Variants in PNPT1 observed in about 807,000 individuals in gnomAD.
The protein encoded by PNPT1 is polyribonucleotide nucleotidyltransferase 1, mitochondrial.
PNPT1 carries 53 observed loss-of-function variants against 119.5 expected under a neutral mutation model. The observed-to-expected ratio is 0.44, with a 90% CI of 0.36 to 0.56. The LOEUF is 0.56. Ranked by LOEUF, PNPT1 falls within the 20% of genes least tolerant of loss-of-function variation. PNPT1 has a pLI of 0.00. For missense variants in PNPT1, 948 were observed against 938.5 expected (o/e 1.01, Z -0.13); for synonymous variants, 357 against 322.1 (o/e 1.11, Z -1.16).
In PNPT1 at chr2:55,656,789, T is replaced by C. The variant is rs529386295; in HGVS notation, c.1285-418A>G. ...GAAATTTAATTTACACTGATACTTT[T>C]TAGAGTTATCTCTCTCCACTAACTT... On this transcript the variant is annotated intron_variant, in intron 15 of 27. Coordinates refer to ENST00000447944, the MANE Select transcript of PNPT1 (RefSeq NM_033109.5). Among the ~76,000 whole-genome samples the C allele has an allele frequency of 2.6e-5, 4 of 152,364 alleles. No individual in the cohort carries two copies. The South Asian group carries it at 8.3e-4, about 32-fold the overall frequency.
At chr2:55,642,329 G>A (rs190002827) in intron 25 of PNPT1, among the ~76,000 whole-genome samples, 27 of 152,102 alleles carry the variant, frequency 1.8e-4, no homozygotes, top group East Asian at 7.7e-4. Flanking sequence ...TCAGTTGGCC[G>A]GGCGCGGTGG....
At chr2:55,655,589 T>C (rs1696360718) in intron 17 of PNPT1, among the ~76,000 whole-genome samples, 1 of 152,236 alleles carries the variant, frequency 6.6e-6, no homozygotes, top group South Asian at 2.1e-4. Context: ...ACAAAGTCTT[T>C]AGTTAAAATT....
intron 25 of PNPT1, among the ~76,000 whole-genome samples, chr2:55,642,028 C>G (rs1395376672): frequency 1.3e-5 from 2 of 151,760 alleles, no homozygotes; most frequent in Non-Finnish European, 2.9e-5. Context: ...TTTTAGTAGA[C>G]ATGGGGTTTC....
At chr2:55,661,316 C>A (rs1357740093) in intron 14 of PNPT1, among the ~76,000 whole-genome samples, 1 of 151,970 alleles carries the variant, frequency 6.6e-6, no homozygotes, top group Non-Finnish European at 1.5e-5. Context: ...TAGTCTTGGT[C>A]TCCTGACTTC....
At position 55,685,061 on chromosome 2, in the gene PNPT1, TA is replaced by T; in HGVS notation, c.298-14del. The T allele has an allele frequency of 3.0e-5, 46 of 1,554,830 alleles. No homozygotes were observed. Among genetic ancestry groups the T allele is most frequent in the South Asian group, 1.1e-4 (9 of 84,302 alleles). ...GTCTGTAGTCAACCTGAAGCAGCAA[TA>T]AAAAAAAGTTCATATAATTCTTTTT... On this transcript the variant is annotated splice_polypyrimidine_tract_variant and intron_variant, in intron 3 of 27. Coordinates refer to ENST00000447944, the MANE Select transcript of PNPT1 (RefSeq NM_033109.5).
At position 55,693,791 on chromosome 2, in the gene PNPT1, G is replaced by T. The variant is rs898086670; in HGVS notation, c.33C>A (p.Leu11=). The T allele has an allele frequency of 6.2e-7, 1 of 1,613,998 alleles. No homozygotes were observed. The highest frequency in any genetic ancestry group is 1.3e-5 in the African/African-American group (1 of 75,064). The change falls in exon 1 of 28, where the codon CTC becomes CTA. Residue 11 remains leucine (L), a synonymous_variant. Coordinates refer to ENST00000447944, the MANE Select transcript of PNPT1 (RefSeq NM_033109.5). ...GACCATCGCTCAGGGGCCGGAGCCG[G>T]AGGCACGAGCAGCAGTACCTGCAGG... MAACRYCCSC[L]RLRPLSDGPF...
intron 17 of PNPT1, 72 bp from the exon 18 acceptor site, chr2:55,655,025 T>C (rs1348294352): frequency 1.5e-6 from 2 of 1,339,020 alleles, no homozygotes. Flanking sequence ...CTATTGGTTA[T>C]TTCCTTATAA....
intron 8 of PNPT1, 79 bp downstream of exon 8, chr2:55,679,603 C>T: frequency 9.6e-7 from 1 of 1,040,026 alleles, no homozygotes; most frequent in Non-Finnish European, 1.5e-6. Context: ...AAAACATACA[C>T]ACAGAGTTTA....
At position 55,640,631 on chromosome 2, in the gene PNPT1, C is replaced by T. The variant is rs765249456; in HGVS notation, c.2144G>A (p.Arg715Gln). 11 of 1,579,012 alleles carry T rather than the reference C, an allele frequency of 7.0e-6. No homozygotes were observed. The highest frequency in any genetic ancestry group is 6.8e-5 in the African/African-American group (5 of 74,032). Residue 715 changes from arginine (R) to glutamine (Q), a missense_variant, in exon 26 of 28, where the codon CGA (arginine) becomes CAA (glutamine). By Grantham distance (43) the Arg-to-Gln change is conservative. Transcript: ENST00000447944. ...CAATAACATCTGTCTTTTTACCTTTCGTTGATCAAGTTGTGTGTTATGAAG... is the reference window on the plus strand; with the variant it reads ...CAATAACATCTGTCTTTTTACCTTTTGTTGATCAAGTTGTGTGTTATGAAG... Reference protein sequence around the residue: ...VLLHNTQLDQRKIKHPTALGL... With the variant: ...VLLHNTQLDQQKIKHPTALGL...
rs993492841 is a variant in PNPT1, at chr2:55,645,350, T to G, written c.1821A>C (p.Val607=). 2.5e-6 allele frequency: 4 copies of G among 1,602,004 alleles called. No individual in the cohort carries two copies. The highest frequency in any genetic ancestry group is 3.4e-6 in the Non-Finnish European group (4 of 1,169,508). ...ATCACTAAAATTTTAATGTATTACC[T>G]ACAACAGGTCCATTTTCTTTTCTAG... ...RASRKENGPV[V]ETVQVPLSKR... is the part of the protein sequence containing the mutation. Residue 607 remains valine (V), a splice_region_variant and synonymous_variant, in exon 22 of 28, where the codon GTA becomes GTC. Coordinates refer to ENST00000447944, the MANE Select transcript of PNPT1 (RefSeq NM_033109.5).
chr2:55,656,659 G>A lies in PNPT1; in HGVS notation c.1285-288C>T, dbSNP rs545610209. On this transcript the variant is annotated intron_variant, in intron 15 of 27. Coordinates refer to ENST00000447944, the MANE Select transcript of PNPT1 (RefSeq NM_033109.5). ...TTACATTTAAATTATTAACAATAAC[G>A]TTATATTTTTGTAATAAGTAAAAAT... Among the ~76,000 whole-genome samples the A allele has an allele frequency of 9.2e-5, 14 of 152,098 alleles. No individual in the cohort carries two copies. In the South Asian group the frequency reaches 1.2e-3, roughly 14 times the overall value.
In PNPT1 at chr2:55,636,141, A is replaced by G; in HGVS notation, c.*96T>C. 1.2e-6 allele frequency: 1 copy of G among 812,520 alleles called. No homozygotes were observed. Among genetic ancestry groups the G allele is most frequent in the Non-Finnish European group, 1.8e-6 (1 of 569,608 alleles). The allele number at this position is 812,520 out of a possible 1,614,324, so 50.3% of individuals were successfully genotyped here. On this transcript the variant is annotated 3_prime_UTR_variant, in exon 28 of 28. Transcript: ENST00000447944. ...TAATTAAAATGTATTTATATTATAT[A>G]GAAATCTACACAATGGAAGATACTA...
intron 13 of PNPT1, among the ~76,000 whole-genome samples, chr2:55,666,635 T>A (rs1367938816): frequency 6.6e-6 from 1 of 151,490 alleles, no homozygotes; most frequent in African/African-American, 2.4e-5. Context: ...AGGCCAAGAG[T>A]TTGAGACCAG....
intron 18 of PNPT1, among the ~76,000 whole-genome samples, chr2:55,648,232 A>T (rs1475352945): frequency 1.3e-5 from 2 of 152,184 alleles, no homozygotes; most frequent in African/African-American, 4.8e-5. Context: ...GTATGCATTT[A>T]CTGTTCTGCA....
intron 1 of PNPT1, among the ~76,000 whole-genome samples, chr2:55,691,520 A>G (rs1041990799): frequency 2.0e-5 from 3 of 152,216 alleles, no homozygotes; most frequent in Admixed American, 1.3e-4. Context: ...ACACGAGTTT[A>G]AAAAGAACTA....
chr2:55,645,837 T>TC (rs1491377252), intron 21 of PNPT1, among the ~76,000 whole-genome samples: 3 of 48,628 alleles, frequency 6.2e-5, no homozygotes, highest in Non-Finnish European at 2.0e-4. Flanking sequence ...ACTTAGTACT[T>TC]CTTTTTTTTT....
intron 8 of PNPT1, among the ~76,000 whole-genome samples, chr2:55,673,400 T>A (rs539898500): frequency 6.6e-6 from 1 of 150,826 alleles, no homozygotes; most frequent in African/African-American, 2.4e-5. Context: ...ATAAGTCACA[T>A]AAAATAAAAA....
In PNPT1 at chr2:55,688,525, G is replaced by A. The variant is rs556502418; in HGVS notation, c.162-820C>T. 6.6e-5 allele frequency among the ~76,000 whole-genome samples: 10 copies of A among 151,764 alleles called. No individual in the cohort carries two copies. The South Asian group carries it at 2.1e-3, about 32-fold the overall frequency. On this transcript the variant is annotated intron_variant, in intron 1 of 27. Transcript: ENST00000447944. ...TGATCACCCGAGGTCAGGAGTTCAA[G>A]ACCAGCCTGGCCAACATGGTGAAAT... is the stretch of plus-strand genomic sequence containing the variant.
chr2:55,672,006 C>G lies in PNPT1; in HGVS notation c.907G>C (p.Glu303Gln). The stretch of plus-strand genomic sequence containing the variant: ...TCAGGTATACCTACTTTGTCATGCT[C>G]GTAATCTGTAAAAACTGCATAGAGT... ...ERLYAVFTDY[E>Q]HDKVSRDEAV... Residue 303 changes from glutamate (E) to glutamine (Q), a missense_variant, in exon 10 of 28, where the codon GAG becomes CAG. Physicochemically the swap from Glu to Gln is conservative, Grantham distance 29. Transcript: ENST00000447944. The G allele has an allele frequency of 6.2e-7, 1 of 1,600,838 alleles. No individual in the cohort carries two copies. The highest frequency in any genetic ancestry group is 8.5e-7 in the Non-Finnish European group (1 of 1,174,018).
Sources: allele counts gnomAD v4.1 joint callset (sites outside exome capture counted in the v4.1 genomes callset), GRCh38; gene constraint gnomAD v4.1.1; transcripts MANE v1.5; gene names NCBI Gene and HGNC (gene_info 2026-07-23, HGNC 2026-07-21).